Variants in MTUS1 observed in about 807,000 individuals in gnomAD.
MTUS1 encodes microtubule associated scaffold protein 1.
MTUS1 carries 109 observed loss-of-function variants against 120.8 expected under a neutral mutation model. The observed-to-expected ratio is 0.90, with a 90% CI of 0.77 to 1.06. The LOEUF is 1.06. Among genes scored for constraint, MTUS1 ranks in the 50% least tolerant of loss-of-function variants. The pLI is 0.00. For synonymous variants in MTUS1, 737 were observed against 550.5 expected (o/e 1.34, Z -4.74); for missense variants, 2,210 against 1,486.3 (o/e 1.49, Z -8.01).
At chr8:17,709,747 A>G (rs1289069925) in intron 6 of MTUS1, among the ~76,000 whole-genome samples, 2 of 152,074 alleles carry the variant, frequency 1.3e-5, no homozygotes, top group Non-Finnish European at 2.9e-5. Context: ...GGTGGCTCAC[A>G]CCTGTAATCC....
intron 1 of MTUS1, among the ~76,000 whole-genome samples, chr8:17,780,106 G>T (rs2050758076): frequency 6.6e-6 from 1 of 152,064 alleles, no homozygotes; most frequent in South Asian, 2.1e-4. Context: ...GAGGGAGTCA[G>T]TTCTTGCAAC....
intron 8 of MTUS1, among the ~76,000 whole-genome samples, chr8:17,664,760 T>C (rs12544499): frequency 0.061 from 9,274 of 152,176 alleles, 482 homozygotes; most frequent in East Asian, 0.24. Context: ...AATCCGATCC[T>C]GACACACGTC....
chr8:17,747,880 T>C (rs1261175679), intron 2 of MTUS1, among the ~76,000 whole-genome samples: 2 of 152,122 alleles, frequency 1.3e-5, no homozygotes, highest in Non-Finnish European at 2.9e-5. Flanking sequence ...GAGCAAGACA[T>C]GTCTTACATG....
chr8:17,705,125 G>C (rs1474777163), intron 6 of MTUS1, among the ~76,000 whole-genome samples: 1 of 152,168 alleles, frequency 6.6e-6, no homozygotes, highest in Non-Finnish European at 1.5e-5. Context: ...GGGACTACAA[G>C]TGTGCACAAC....
intron 7 of MTUS1, among the ~76,000 whole-genome samples, chr8:17,682,287 G>A (rs1814703148): frequency 6.6e-6 from 1 of 152,112 alleles, no homozygotes; most frequent in Non-Finnish European, 1.5e-5. Flanking sequence ...AGGCCGAGGT[G>A]AGCGGATCAC....
At chr8:17,704,413 T>C (rs886552789) in intron 6 of MTUS1, among the ~76,000 whole-genome samples, 1 of 152,206 alleles carries the variant, frequency 6.6e-6, no homozygotes, top group Non-Finnish European at 1.5e-5. Flanking sequence ...AGATCTTATA[T>C]TTAAGTCTTT....
chr8:17,751,039 G>A (rs58577175), intron 2 of MTUS1, among the ~76,000 whole-genome samples: 6,733 of 152,208 alleles, frequency 0.044, 248 homozygotes, highest in East Asian at 0.17. Flanking sequence ...ACATCCGACC[G>A]GGCGCGATGG....
chr8:17,649,422 GCTATTCATTTCTATTAAATTCATTT>G (rs1429805761), intron 13 of MTUS1, among the ~76,000 whole-genome samples: 3 of 152,192 alleles, frequency 2.0e-5, no homozygotes, highest in African/African-American at 7.2e-5. Context: ...AAATAGTATT[GCTATTCATTTCTATTAAATTCATTT>G]CTATTCATTT....
chr8:17,732,596 C>T (rs919565056), intron 3 of MTUS1, among the ~76,000 whole-genome samples: 1 of 152,174 alleles, frequency 6.6e-6, no homozygotes, highest in African/African-American at 2.4e-5. Flanking sequence ...CCAGATTTCT[C>T]CCACGCACTT....
At chr8:17,769,265 C>G (rs1563361316) in intron 1 of MTUS1, among the ~76,000 whole-genome samples, 1 of 147,574 alleles carries the variant, frequency 6.8e-6, no homozygotes, top group African/African-American at 2.5e-5. Context: ...CAACAACTTC[C>G]TAAAACCTCC....
intron 8 of MTUS1, among the ~76,000 whole-genome samples, chr8:17,668,129 C>T (rs1811280589): frequency 6.6e-6 from 1 of 152,110 alleles, no homozygotes; most frequent in Admixed American, 6.5e-5. Context: ...CAAGCTTGTC[C>T]AACTCACAGC....
intron 10 of MTUS1, 71 bp downstream of exon 10, chr8:17,654,490 T>C (rs1236776690): frequency 9.2e-7 from 1 of 1,090,440 alleles, no homozygotes; most frequent in East Asian, 2.4e-5. Context: ...TTATGAATCA[T>C]TTCCATCTTA....
At chr8:17,724,086 A>C in intron 3 of MTUS1, 2 of 564,868 alleles carry the variant, frequency 3.5e-6, no homozygotes, top group South Asian at 3.4e-5. Context: ...CCTGTCTCCT[A>C]AAGTAATTAA....
At chr8:17,747,781 T>C (rs2047882631) in intron 2 of MTUS1, among the ~76,000 whole-genome samples, 1 of 152,128 alleles carries the variant, frequency 6.6e-6, no homozygotes. Flanking sequence ...TACATGAGAC[T>C]GGGCAACTTA....
chr8:17,769,229 T>C (rs1316948534), intron 1 of MTUS1, among the ~76,000 whole-genome samples: 1 of 103,392 alleles, frequency 9.7e-6, no homozygotes, highest in East Asian at 2.4e-4. Context: ...AATGCTTTTA[T>C]TCCTTTTTTT....
At chr8:17,700,932 G>C (rs1818952741) in intron 6 of MTUS1, among the ~76,000 whole-genome samples, 1 of 152,052 alleles carries the variant, frequency 6.6e-6, no homozygotes, top group Non-Finnish European at 1.5e-5. Flanking sequence ...GGTCTGCATA[G>C]AAATGTGTTT....
chr8:17,752,650 T>C (rs976475398), intron 2 of MTUS1, among the ~76,000 whole-genome samples: 3 of 152,194 alleles, frequency 2.0e-5, no homozygotes, highest in Non-Finnish European at 4.4e-5. Context: ...CCATGCACCC[T>C]GAAGACACAC....
intron 1 of MTUS1, among the ~76,000 whole-genome samples, chr8:17,761,561 A>C (rs909476187): frequency 6.6e-6 from 1 of 152,240 alleles, no homozygotes; most frequent in Non-Finnish European, 1.5e-5. Flanking sequence ...GGCTTATATA[A>C]GAGTAGATGT....
intron 2 of MTUS1, among the ~76,000 whole-genome samples, chr8:17,751,774 C>G (rs1227007174): frequency 1.4e-5 from 2 of 147,478 alleles, no homozygotes; most frequent in African/African-American, 5.0e-5. Context: ...AGGAGAATTG[C>G]TTGAACCTGG....
Sources: gnomAD v4.1 joint callset for allele counts (sites outside exome capture counted in the v4.1 genomes callset) on GRCh38, gnomAD v4.1.1 for gene constraint, MANE v1.5 for transcripts, NCBI Gene and HGNC (gene_info 2026-07-23, HGNC 2026-07-21) for gene names.